The following COMMD1 variants were observed in gnomAD, a reference collection of about 807,000 sequenced individuals.
COMMD1 encodes the protein COMM domain-containing protein 1.
A neutral mutation model predicts 17.2 loss-of-function variants in COMMD1; 10 were observed. The ratio of observed to expected loss-of-function variants is 0.58; its 90% confidence interval spans 0.36 to 0.99. The LOEUF is 0.99. Among genes scored for constraint, COMMD1 ranks in the 50% least tolerant of loss-of-function variants. The pLI, the probability that COMMD1 is intolerant of heterozygous loss-of-function variation, is 0.01. For missense variants in COMMD1, 270 were observed against 231.8 expected (o/e 1.17, Z -1.07); for synonymous variants, 97 against 91.6 (o/e 1.06, Z -0.34).
chr2:62,001,744 A>G (rs776546644), intron 2 of COMMD1, among the ~76,000 whole-genome samples: 2 of 152,228 alleles, frequency 1.3e-5, no homozygotes, highest in Non-Finnish European at 1.5e-5. Flanking sequence ...CCTACAATAG[A>G]AATTTATTTC....
At chr2:62,032,773 C>T (rs1669944087) in intron 2 of COMMD1, among the ~76,000 whole-genome samples, 1 of 151,856 alleles carries the variant, frequency 6.6e-6, no homozygotes, top group Non-Finnish European at 1.5e-5. Flanking sequence ...TTCCTTCATT[C>T]ATTCATTATT....
At chr2:62,066,061 TACGCAGTGAA>T (rs951139491) in intron 2 of COMMD1, among the ~76,000 whole-genome samples, 5 of 152,206 alleles carry the variant, frequency 3.3e-5, no homozygotes, top group African/African-American at 1.2e-4. Flanking sequence ...TGGCTGATTT[TACGCAGTGAA>T]ACTGGCATTA....
intron 1 of COMMD1, among the ~76,000 whole-genome samples, chr2:61,943,434 G>GT (rs1670806321): frequency 6.6e-6 from 1 of 152,188 alleles, no homozygotes; most frequent in African/African-American, 2.4e-5. Flanking sequence ...GTCAAAGTGT[G>GT]CTGGTTGTGG....
chr2:61,913,244 G>C (rs909846145), intron 1 of COMMD1, among the ~76,000 whole-genome samples: 8 of 151,166 alleles, frequency 5.3e-5, no homozygotes, highest in Admixed American at 3.3e-4. Context: ...GTGTGCACCT[G>C]TAGTCCCAGC....
chr2:61,915,615 G>C, intron 1 of COMMD1: 5 of 422,944 alleles, frequency 1.2e-5, no homozygotes, highest in South Asian at 8.5e-5. Flanking sequence ...TCAGCCTTTT[G>C]AGTAGCTGAA....
rs114194095 is a variant in COMMD1, at chr2:62,006,455, A to G, written c.462+5473A>G. Among the ~76,000 whole-genome samples, 832 of 152,320 alleles carry G rather than the reference A, an allele frequency of 5.5e-3. 11 individuals carry two copies. Among genetic ancestry groups the G allele is most frequent in the African/African-American group, 0.019 (791 of 41,584 alleles). On this transcript the variant is annotated intron_variant, in intron 2 of 2. Coordinates refer to ENST00000311832, the MANE Select transcript of COMMD1 (RefSeq NM_152516.4). ...TTTGAGATATGAGGAAGCCAGAGTA[A>G]TAGAAGGCATTATACCTTAATGGAA...
intron 2 of COMMD1, among the ~76,000 whole-genome samples, chr2:62,020,121 A>G (rs1050065546): frequency 2.0e-5 from 3 of 152,186 alleles, no homozygotes; most frequent in Non-Finnish European, 4.4e-5. Context: ...CCTTGAGTAC[A>G]TTACTTCTCT....
At chr2:62,003,187 G>A (rs1402456735) in intron 2 of COMMD1, among the ~76,000 whole-genome samples, 1 of 151,488 alleles carries the variant, frequency 6.6e-6, no homozygotes, top group Non-Finnish European at 1.5e-5. Flanking sequence ...CAGCCGAGAT[G>A]GTGCCACTGC....
At chr2:62,103,220 C>T (rs546159860) in intron 2 of COMMD1, among the ~76,000 whole-genome samples, 4 of 152,226 alleles carry the variant, frequency 2.6e-5, no homozygotes, top group East Asian at 1.9e-4. Context: ...CCTCGTGATC[C>T]GCCTGCCGGC....
intron 2 of COMMD1, among the ~76,000 whole-genome samples, chr2:62,110,056 G>A (rs749063674): frequency 6.7e-6 from 1 of 149,600 alleles, no homozygotes; most frequent in Non-Finnish European, 1.5e-5. Context: ...ACCACATCTA[G>A]CCCTACATAA....
At chr2:61,892,973 T>C (rs950653463) in intron 1 of COMMD1, among the ~76,000 whole-genome samples, 3 of 151,876 alleles carry the variant, frequency 2.0e-5, no homozygotes, top group Admixed American at 2.0e-4. Context: ...GTTCAAGTGA[T>C]TCTCCTGCCT....
intron 2 of COMMD1, among the ~76,000 whole-genome samples, chr2:62,096,134 A>C (rs1433295286): frequency 6.6e-6 from 1 of 152,152 alleles, no homozygotes; most frequent in Non-Finnish European, 1.5e-5. Context: ...TCATTCCTAC[A>C]TTTTAAGAAA....
intron 1 of COMMD1, among the ~76,000 whole-genome samples, chr2:61,975,737 A>T (rs750722586): frequency 1.3e-5 from 2 of 152,212 alleles, no homozygotes; most frequent in Non-Finnish European, 2.9e-5. Flanking sequence ...ATATTATTTT[A>T]AAATGTGTTG....
At chr2:61,978,303 G>T (rs1188459220) in intron 1 of COMMD1, among the ~76,000 whole-genome samples, 1 of 152,162 alleles carries the variant, frequency 6.6e-6, no homozygotes, top group Non-Finnish European at 1.5e-5. Context: ...CTGACTTTCT[G>T]TGGTTTATTT....
intron 2 of COMMD1, among the ~76,000 whole-genome samples, chr2:62,014,306 G>C (rs567465084): frequency 1.3e-5 from 2 of 152,004 alleles, no homozygotes; most frequent in Non-Finnish European, 2.9e-5. Context: ...GCAATTTTTG[G>C]ATATAAATCC....
chr2:62,113,215 C>G (rs1319363125), intron 2 of COMMD1, among the ~76,000 whole-genome samples: 1 of 151,556 alleles, frequency 6.6e-6, no homozygotes, highest in Non-Finnish European at 1.5e-5. Context: ...AGCTGGATGT[C>G]GTGGTGAGTG....
rs144521315 is a variant in COMMD1 at position 61,905,786 on chromosome 2, G to C, written c.108G>C (p.Arg36=). 2.1e-4 allele frequency: 346 copies of C among 1,614,214 alleles called. No homozygotes were observed. The African/African-American group carries it at 4.2e-3, about 20-fold the overall frequency. The change falls in exon 1 of 3, where the codon CGG becomes CGC. Residue 36 remains arginine (R), a synonymous_variant. Transcript: ENST00000311832. ...CCGGCATCACAGAGGAGCTGCTACG[G>C]AGCCAGCTATATCCAGAGGTGCCAC... The part of the protein sequence containing the change: ...GYPGITEELL[R]SQLYPEVPPE...
intron 2 of COMMD1, among the ~76,000 whole-genome samples, chr2:62,092,226 G>A (rs775492715): frequency 2.0e-5 from 3 of 152,184 alleles, no homozygotes; most frequent in Non-Finnish European, 4.4e-5. Context: ...GGAAGAGAGT[G>A]CATCGATCCC....
At chr2:62,110,020 A>C (rs1672414912) in intron 2 of COMMD1, among the ~76,000 whole-genome samples, 2 of 145,484 alleles carry the variant, frequency 1.4e-5, no homozygotes, top group East Asian at 2.0e-4. Context: ...CTGCCTCCCA[A>C]GGTGTTGCGA....
Sources: allele counts gnomAD v4.1 joint callset (sites outside exome capture counted in the v4.1 genomes callset), GRCh38; gene constraint gnomAD v4.1.1; transcripts MANE v1.5; gene names NCBI Gene and HGNC (gene_info 2026-07-23, HGNC 2026-07-21).